The following ATRNL1 variants were observed in gnomAD, a reference collection of about 807,000 sequenced individuals.
The protein encoded by ATRNL1 is attractin like 1, also known as attractin-like protein 1.
A neutral mutation model predicts 182.7 loss-of-function variants in ATRNL1; 95 were observed. The ratio of observed to expected loss-of-function variants is 0.52; its 90% CI spans 0.44 to 0.62. ATRNL1 has a LOEUF of 0.62. ATRNL1 is among the 20% of genes least tolerant of loss of function. The pLI is 0.00. For synonymous variants in ATRNL1, 576 were observed against 568.3 expected (o/e 1.01, Z -0.19); for missense variants, 1,471 against 1,679.5 (o/e 0.88, Z 2.17).
chr10:115,606,847 G>A (rs1306991734), intron 26 of ATRNL1, among the ~76,000 whole-genome samples: 2 of 152,052 alleles, frequency 1.3e-5, no homozygotes, highest in Admixed American at 1.3e-4. Context: ...AGCCATGCCT[G>A]TTCTAGTAAA....
At chr10:115,500,334 A>T (rs1464555594) in intron 24 of ATRNL1, among the ~76,000 whole-genome samples, 3 of 152,206 alleles carry the variant, frequency 2.0e-5, no homozygotes, top group Admixed American at 2.0e-4. Context: ...TAGTTTGCAG[A>T]TTTGTAGTCA....
chr10:115,460,848 G>A (rs78002814), intron 21 of ATRNL1, among the ~76,000 whole-genome samples: 2,991 of 151,908 alleles, frequency 0.02, 63 homozygotes, highest in East Asian at 0.066. Flanking sequence ...TTTTTTTATT[G>A]TATCTCTAGG....
chr10:115,755,108 T>C (rs1555071621), intron 27 of ATRNL1, among the ~76,000 whole-genome samples: 1 of 152,184 alleles, frequency 6.6e-6, no homozygotes, highest in African/African-American at 2.4e-5. Flanking sequence ...AATCATGTTA[T>C]CTGCAAACAG....
chr10:115,121,181 C>T (rs929664914), intron 2 of ATRNL1, among the ~76,000 whole-genome samples: 3 of 151,912 alleles, frequency 2.0e-5, no homozygotes, highest in East Asian at 3.9e-4. Flanking sequence ...GGTGCGATCT[C>T]GGCTCACTGC....
intron 4 of ATRNL1, 144 bp downstream of exon 4, chr10:115,127,865 C>A: frequency 1.9e-6 from 1 of 518,228 alleles, no homozygotes; most frequent in Non-Finnish European, 3.2e-6. Context: ...AGGATCCCTT[C>A]TTAAGTGACA....
At chr10:115,128,984 T>C (rs1845103794) in intron 4 of ATRNL1, among the ~76,000 whole-genome samples, 1 of 152,220 alleles carries the variant, frequency 6.6e-6, no homozygotes, top group Non-Finnish European at 1.5e-5. Flanking sequence ...TTAATTTTTT[T>C]CTGTAAAATA....
At chr10:115,276,327 A>G (rs1166050988) in intron 13 of ATRNL1, among the ~76,000 whole-genome samples, 1 of 152,216 alleles carries the variant, frequency 6.6e-6, no homozygotes, top group Non-Finnish European at 1.5e-5. Context: ...CATTCAGTCC[A>G]TGACAGACAT....
At chr10:115,422,566 C>G (rs782318109) in intron 20 of ATRNL1, among the ~76,000 whole-genome samples, 9 of 152,064 alleles carry the variant, frequency 5.9e-5, no homozygotes, top group Non-Finnish European at 1.2e-4. Context: ...GAAAAGGGGA[C>G]CTTATACATT....
chr10:115,778,458 A>G (rs950447785), intron 27 of ATRNL1, among the ~76,000 whole-genome samples: 3 of 152,242 alleles, frequency 2.0e-5, no homozygotes, highest in Non-Finnish European at 1.5e-5. Context: ...TTTATGCAGG[A>G]GGTAACACTG....
intron 26 of ATRNL1, among the ~76,000 whole-genome samples, chr10:115,558,069 A>AAC (rs1406459328): frequency 1.1e-4 from 17 of 151,272 alleles, no homozygotes; most frequent in African/African-American, 4.1e-4. Flanking sequence ...AAAAAACAAA[A>AAC]AAAAAAAACC....
chr10:115,561,704 G>GGTGTGTGTGT (rs71010029), intron 26 of ATRNL1, among the ~76,000 whole-genome samples: 2,946 of 144,992 alleles, frequency 0.02, 44 homozygotes, highest in African/African-American at 0.05. Context: ...TGTGTGTGTG[G>GGTGTGTGTGT]GTGTGTGTGT....
At chr10:115,304,665 C>G (rs999002303) in intron 17 of ATRNL1, among the ~76,000 whole-genome samples, 1 of 152,124 alleles carries the variant, frequency 6.6e-6, no homozygotes. Context: ...TTTGACCAGG[C>G]TTTCATTCAG....
chr10:115,231,554 G>A, intron 9 of ATRNL1, among the ~76,000 whole-genome samples: 1 of 152,118 alleles, frequency 6.6e-6, no homozygotes, highest in East Asian at 1.9e-4. Context: ...AAATAATTAT[G>A]TTTGTAGGTT....
chr10:115,741,382 A>G (rs1948135501), intron 27 of ATRNL1, among the ~76,000 whole-genome samples: 1 of 152,098 alleles, frequency 6.6e-6, no homozygotes, highest in Admixed American at 6.6e-5. Flanking sequence ...AAGTTGAGAG[A>G]GCAAGGTGAG....
chr10:115,485,516 T>G (rs1320223992), intron 24 of ATRNL1, among the ~76,000 whole-genome samples: 1 of 152,054 alleles, frequency 6.6e-6, no homozygotes, highest in African/African-American at 2.4e-5. Flanking sequence ...TCTCAACATT[T>G]TTTGAGAATA....
intron 26 of ATRNL1, among the ~76,000 whole-genome samples, chr10:115,691,045 G>A (rs1411072848): frequency 6.6e-6 from 1 of 152,052 alleles, no homozygotes; most frequent in African/African-American, 2.4e-5. Context: ...TGGCATCTCT[G>A]TTAGACATCA....
intron 27 of ATRNL1, among the ~76,000 whole-genome samples, chr10:115,780,550 C>G (rs1335339867): frequency 2.6e-5 from 4 of 152,108 alleles, no homozygotes; most frequent in Admixed American, 6.5e-5. Context: ...AAAAGTGACT[C>G]CTTTCTGTTT....
In ATRNL1 at chr10:115,698,970, C is replaced by A. The variant is rs150493423; in HGVS notation, c.3796-28278C>A. Among the ~76,000 whole-genome samples, 103 of 152,050 alleles carry A rather than the reference C, an allele frequency of 6.8e-4. 3 individuals are homozygous for A. The East Asian group carries it at 0.015, about 23-fold the overall frequency. On this transcript the variant is annotated intron_variant, in intron 26 of 28. Coordinates refer to ENST00000355044, the MANE Select transcript of ATRNL1 (RefSeq NM_207303.4). ...ATTTCATATTTATATACACCAGCAACAAATAGTAAATATGATTTTTTTAAT... is the reference window on the plus strand; with the variant it reads ...ATTTCATATTTATATACACCAGCAAAAAATAGTAAATATGATTTTTTTAAT...
intron 26 of ATRNL1, among the ~76,000 whole-genome samples, chr10:115,661,993 T>C: frequency 6.8e-6 from 1 of 146,598 alleles, no homozygotes; most frequent in East Asian, 2.2e-4. Flanking sequence ...GTGTCCTCAT[T>C]GTTCAATTCC....
Sources: gnomAD v4.1 joint callset for allele counts (sites outside exome capture counted in the v4.1 genomes callset) on GRCh38, gnomAD v4.1.1 for gene constraint, MANE v1.5 for transcripts, NCBI Gene and HGNC (gene_info 2026-07-23, HGNC 2026-07-21) for gene names.